Variants in ST6GALNAC3 observed in about 807,000 individuals in gnomAD.
ST6GALNAC3 encodes ST6 N-acetylgalactosaminide alpha-2,6-sialyltransferase 3.
ST6GALNAC3 carries 25 observed loss-of-function variants against 32.7 expected under a neutral mutation model. The observed-to-expected ratio is 0.76, with a 90% CI of 0.56 to 1.07. The LOEUF (loss-of-function observed/expected upper bound fraction) is 1.07. Among genes scored for constraint, ST6GALNAC3 ranks in the 50% least tolerant of loss-of-function variants. ST6GALNAC3 has a pLI of 0.00. For synonymous variants in ST6GALNAC3, 129 were observed against 133.1 expected, an observed-to-expected ratio of 0.97 and a Z score of 0.21; for missense variants, 355 against 382.4, an observed-to-expected ratio of 0.93 and a Z score of 0.60.
intron 2 of ST6GALNAC3, among the ~76,000 whole-genome samples, chr1:76,392,543 G>A (rs1035971791): frequency 6.6e-6 from 1 of 152,084 alleles, no homozygotes; most frequent in East Asian, 1.9e-4. Context: ...TGGATAATTA[G>A]CATTTTGGCT....
At chr1:76,559,101 T>G (rs1052983116) in intron 3 of ST6GALNAC3, among the ~76,000 whole-genome samples, 4 of 152,188 alleles carry the variant, frequency 2.6e-5, no homozygotes, top group Non-Finnish European at 5.9e-5. Context: ...TTTTCCTTTT[T>G]CTCTCTTTAC....
chr1:76,275,304 T>C (rs1479923496), intron 1 of ST6GALNAC3, among the ~76,000 whole-genome samples: 5 of 152,198 alleles, frequency 3.3e-5, no homozygotes, highest in African/African-American at 1.2e-4. Flanking sequence ...CATTGGGCAC[T>C]TTGCTTATGT....
rs529950182 is a variant in ST6GALNAC3, at chr1:76,605,970, A to T, written c.624-21482A>T. On this transcript the variant is annotated intron_variant, in intron 3 of 4. Coordinates refer to ENST00000328299, the MANE Select transcript of ST6GALNAC3 (RefSeq NM_152996.4). ...AAAACCATGTAAAAAACAGTTCAACATCACTGATCATTAAGAGAAATGCAA... is the reference window on the plus strand; with the variant it reads ...AAAACCATGTAAAAAACAGTTCAACTTCACTGATCATTAAGAGAAATGCAA... Among the ~76,000 whole-genome samples, 19 of 152,100 alleles carry T rather than the reference A, an allele frequency of 1.2e-4. No homozygotes were observed. The East Asian group carries it at 3.5e-3, about 28-fold the overall frequency.
intron 1 of ST6GALNAC3, among the ~76,000 whole-genome samples, chr1:76,138,363 G>C (rs1440098078): frequency 6.6e-6 from 1 of 152,102 alleles, no homozygotes; most frequent in East Asian, 1.9e-4. Context: ...TTTTCTTTGA[G>C]AACATAGGGT....
Position 76,412,351 on chromosome 1 carries a change from A to G in ST6GALNAC3, c.557A>G (p.Tyr186Cys). ...TVGIYPNAQI[Y>C]VTTEKRMSYC... ...GGTATCTATCCGAATGCCCAAATAT[A>G]CGTGACCACAGAGAAGCGCATGAGT... The change falls in exon 3 of 5, where the codon TAC (tyrosine) becomes TGC (cysteine). Residue 186 changes from tyrosine to cysteine, a missense_variant. By Grantham distance (194) the Tyr-to-Cys change is radical. Transcript: ENST00000328299. The G allele has an allele frequency of 1.9e-6, 3 of 1,613,548 alleles. No homozygotes were observed. The highest frequency in any genetic ancestry group is 2.5e-6 in the Non-Finnish European group (3 of 1,179,718).
chr1:76,406,207 T>C (rs2101251789), intron 2 of ST6GALNAC3, among the ~76,000 whole-genome samples: 1 of 152,200 alleles, frequency 6.6e-6, no homozygotes, highest in Non-Finnish European at 1.5e-5. Context: ...CAGTCTTCAA[T>C]GAACATTGAT....
At chr1:76,188,440 A>T (rs1207796384) in intron 1 of ST6GALNAC3, among the ~76,000 whole-genome samples, 1 of 152,182 alleles carries the variant, frequency 6.6e-6, no homozygotes, top group Non-Finnish European at 1.5e-5. Flanking sequence ...GGAGGAAATT[A>T]GCCCATGTAC....
intron 3 of ST6GALNAC3, among the ~76,000 whole-genome samples, chr1:76,535,489 G>T (rs1221179643): frequency 6.6e-6 from 1 of 152,138 alleles, no homozygotes; most frequent in African/African-American, 2.4e-5. Context: ...TTTATAAGGT[G>T]AAGTAAAGGA....
At chr1:76,298,465 T>A (rs184624309) in intron 1 of ST6GALNAC3, among the ~76,000 whole-genome samples, 53 of 152,132 alleles carry the variant, frequency 3.5e-4, no homozygotes, top group Non-Finnish European at 7.1e-4. Context: ...GCAAATTTTG[T>A]CCATTACATG....
rs181517558 is a variant in ST6GALNAC3, at chr1:76,496,856, T to A, written c.623+84439T>A. On this transcript the variant is annotated intron_variant, in intron 3 of 4. Coordinates refer to ENST00000328299, the MANE Select transcript of ST6GALNAC3 (RefSeq NM_152996.4). ...TTAGGTAAATGAGAAACAAATGACC[T>A]CTCCCTATGTCTGCATCCTGAAGTC... Among the ~76,000 whole-genome samples the A allele has an allele frequency of 2.4e-3, 369 of 152,276 alleles. 4 individuals are homozygous for A. The highest frequency in any genetic ancestry group is 8.5e-3 in the African/African-American group (354 of 41,572).
intron 1 of ST6GALNAC3, among the ~76,000 whole-genome samples, chr1:76,247,355 G>C (rs1657325653): frequency 6.6e-6 from 1 of 152,096 alleles, no homozygotes; most frequent in African/African-American, 2.4e-5. Context: ...TCCTTGTCAG[G>C]ATCAGCTGTT....
At chr1:76,367,153 T>C (rs988107465) in intron 2 of ST6GALNAC3, among the ~76,000 whole-genome samples, 1 of 152,206 alleles carries the variant, frequency 6.6e-6, no homozygotes, top group Non-Finnish European at 1.5e-5. Flanking sequence ...TCATTATTCA[T>C]GTAATTATGC....
chr1:76,235,285 C>T (rs973918675), intron 1 of ST6GALNAC3, among the ~76,000 whole-genome samples: 7 of 152,124 alleles, frequency 4.6e-5, no homozygotes, highest in Admixed American at 1.3e-4. Context: ...ACAGGAGGAT[C>T]GCTTGAGCCC....
rs930954626 is a variant in ST6GALNAC3 at position 76,142,830 on chromosome 1, T to A, written c.18+67946T>A. The A allele has an allele frequency of 1.5e-5, 7 of 452,182 alleles. No individual in the cohort carries two copies. In the Admixed American group the frequency reaches 1.7e-4, roughly 11 times the overall value. 28.0% of individuals were successfully genotyped at this position (452,182 alleles called of 1,614,324 possible). A position where few individuals can be genotyped will look rare whatever the true frequency, so the allele number is the denominator to read the frequency against. On this transcript the variant is annotated intron_variant, in intron 1 of 4. Transcript: ENST00000328299. Reference sequence around the variant, plus strand: ...CTTGTCTTGAATGCCTGCCTTTTTTTTTTTCTTTTAAATTTTTCATCTGCT... The same window carrying A: ...CTTGTCTTGAATGCCTGCCTTTTTTATTTTCTTTTAAATTTTTCATCTGCT...
At chr1:76,157,522 C>A (rs561697594) in intron 1 of ST6GALNAC3, among the ~76,000 whole-genome samples, 1 of 152,226 alleles carries the variant, frequency 6.6e-6, no homozygotes, top group African/African-American at 2.4e-5. Flanking sequence ...AGACTGCATA[C>A]ATTTCCAAAG....
At chr1:76,403,654 A>G (rs963959779) in intron 2 of ST6GALNAC3, among the ~76,000 whole-genome samples, 1 of 152,132 alleles carries the variant, frequency 6.6e-6, no homozygotes, top group Non-Finnish European at 1.5e-5. Flanking sequence ...ATGTATAGCC[A>G]GTTGAAAACT....
At chr1:76,348,758 A>G (rs1557810922) in intron 2 of ST6GALNAC3, among the ~76,000 whole-genome samples, 1 of 152,182 alleles carries the variant, frequency 6.6e-6, no homozygotes, top group Non-Finnish European at 1.5e-5. Context: ...ATATATATAT[A>G]TATGCATTGT....
chr1:76,121,735 G>T (rs1488125857), intron 1 of ST6GALNAC3, among the ~76,000 whole-genome samples: 1 of 151,906 alleles, frequency 6.6e-6, no homozygotes, highest in African/African-American at 2.4e-5. Context: ...AAAAAATGTG[G>T]GTCAGATCAC....
intron 2 of ST6GALNAC3, among the ~76,000 whole-genome samples, chr1:76,339,621 A>G (rs1647789748): frequency 6.6e-6 from 1 of 152,174 alleles, no homozygotes; most frequent in Admixed American, 6.5e-5. Context: ...GGCTTTATCC[A>G]CTATAAAATA....
Sources: gnomAD v4.1 joint callset for allele counts (sites outside exome capture counted in the v4.1 genomes callset) on GRCh38, gnomAD v4.1.1 for gene constraint, MANE v1.5 for transcripts, NCBI Gene and HGNC (gene_info 2026-07-23, HGNC 2026-07-21) for gene names.